The following UBXN2A variants were observed in gnomAD, a reference collection of about 807,000 sequenced individuals.
UBXN2A encodes UBX domain protein 2A, also known as UBX domain-containing protein 2A.
In UBXN2A, 28 loss-of-function variants were observed where a neutral mutation model predicts 28.4. The observed-to-expected ratio is 0.99, with a 90% CI of 0.73 to 1.35. The LOEUF (loss-of-function observed/expected upper bound fraction) is 1.35, where lower values mean the gene tolerates loss of function less well. Ranked by LOEUF, UBXN2A falls within the 40% of genes most tolerant of loss-of-function variation. The probability of loss-of-function intolerance (pLI) is 0.00; values close to 1 mark genes in which losing one functional copy is unlikely to be tolerated. For missense variants in UBXN2A, 253 were observed against 297.9 expected, an observed-to-expected ratio of 0.85 and a Z score of 1.11; for synonymous variants, 97 against 103.6, an observed-to-expected ratio of 0.94 and a Z score of 0.39.
At chr2:23,988,068 G>A (rs1392957761) in intron 6 of UBXN2A, among the ~76,000 whole-genome samples, 3 of 151,174 alleles carry the variant, frequency 2.0e-5, no homozygotes, top group Non-Finnish European at 4.4e-5. Context: ...GGTTGTAGTG[G>A]GCTGGGATCG....
chr2:23,939,513 G>A (rs1705642858), upstream of UBXN2A: 1 of 152,642 alleles, frequency 6.6e-6, no homozygotes, highest in Non-Finnish European at 1.5e-5. Flanking sequence ...TACAGAGACT[G>A]TTTCCCTGGG....
intron 1 of UBXN2A, among the ~76,000 whole-genome samples, chr2:23,935,402 A>AC (rs1375386960): frequency 1.3e-5 from 2 of 152,270 alleles, no homozygotes; most frequent in South Asian, 2.1e-4. Context: ...AACAACAACA[A>AC]AAAAAACCTA....
chr2:23,981,147 T>C (rs1707877034), intron 4 of UBXN2A, among the ~76,000 whole-genome samples: 2 of 152,052 alleles, frequency 1.3e-5, no homozygotes, highest in African/African-American at 2.4e-5. Context: ...AACTTTCTTA[T>C]TGAAGTATGG....
chr2:23,936,630 A>G (rs1420225835), upstream of UBXN2A, among the ~76,000 whole-genome samples: 2 of 152,180 alleles, frequency 1.3e-5, no homozygotes, highest in African/African-American at 4.8e-5. Flanking sequence ...AAGAAAAAGA[A>G]AAACATACAC....
At chr2:23,957,616 C>A (rs1021806573) in intron 1 of UBXN2A, among the ~76,000 whole-genome samples, 3 of 151,894 alleles carry the variant, frequency 2.0e-5, no homozygotes, top group Non-Finnish European at 2.9e-5. Flanking sequence ...AGGTGGATCA[C>A]CTGAGGTTGG....
rs1175716086 is a variant in UBXN2A, at chr2:24,004,194, A to C, written c.*4327A>C. 2 of 150,576 alleles carry C rather than the reference A, an allele frequency of 1.3e-5. No individual in the cohort carries two copies. The highest frequency in any genetic ancestry group is 2.9e-5 in the Non-Finnish European group (2 of 67,818). 9.3% of individuals were successfully genotyped at this position (150,576 alleles called of 1,614,324 possible). A position where few individuals can be genotyped will look rare whatever the true frequency, so the allele number is the denominator to read the frequency against. On this transcript the variant is annotated 3_prime_UTR_variant, in exon 7 of 7. Transcript: ENST00000309033. ...TTTAAAAGTTGTAAAATTGTTAGTT[A>C]AATGTGTATAATTATCAAAAGAGGT...
chr2:23,989,078 C>T (rs1708242000), intron 6 of UBXN2A, among the ~76,000 whole-genome samples: 1 of 152,040 alleles, frequency 6.6e-6, no homozygotes, highest in Admixed American at 6.6e-5. Context: ...CTTCCAGGCC[C>T]TCTGTTTGAA....
At position 23,982,937 on chromosome 2, in the gene UBXN2A, A is replaced by G. The variant is rs1337436161; in HGVS notation, c.329A>G (p.Glu110Gly). Residue 110 changes from glutamate (E) to glycine (G), a missense_variant, in exon 5 of 7, where the codon GAG (glutamate) becomes GGG (glycine). Coordinates refer to ENST00000309033, the MANE Select transcript of UBXN2A (RefSeq NM_181713.4). Reference sequence around the variant, plus strand: ...TTACAGGGAATTTTTGATAAAGAAGAGGTGGACGTTAAAGTTGAAGACAAG... The same window carrying G: ...TTACAGGGAATTTTTGATAAAGAAGGGGTGGACGTTAAAGTTGAAGACAAG... ...SELQGIFDKE[E>G]VDVKVEDKKN... 2.5e-6 allele frequency: 4 copies of G among 1,610,948 alleles called. No homozygotes were observed. Among genetic ancestry groups the G allele is most frequent in the Admixed American group, 3.4e-5 (2 of 59,638 alleles).
chr2:23,939,169 C>A (rs1276380733), upstream of UBXN2A, among the ~76,000 whole-genome samples: 2 of 151,972 alleles, frequency 1.3e-5, no homozygotes, highest in African/African-American at 4.8e-5. Flanking sequence ...GGGAAAAGGA[C>A]TATTGCAATA....
chr2:23,933,294 G>A (rs981113210), intron 1 of UBXN2A, among the ~76,000 whole-genome samples: 6 of 151,912 alleles, frequency 3.9e-5, no homozygotes, highest in African/African-American at 1.5e-4. Context: ...ATCACCTGAG[G>A]TCAGGAGTTC....
At chr2:23,991,085 C>T (rs1573606465) in intron 6 of UBXN2A, among the ~76,000 whole-genome samples, 1 of 152,132 alleles carries the variant, frequency 6.6e-6, no homozygotes, top group South Asian at 2.1e-4. Flanking sequence ...GGCTTGGTGG[C>T]TTTTGGACTG....
intron 1 of UBXN2A, among the ~76,000 whole-genome samples, chr2:23,946,887 ATTTTT>A (rs34433205): frequency 4.6e-5 from 6 of 131,678 alleles, no homozygotes; most frequent in Non-Finnish European, 3.2e-5. Flanking sequence ...CAATTTATTA[ATTTTT>A]TTTTTTTTTT....
intron 1 of UBXN2A, among the ~76,000 whole-genome samples, chr2:23,948,255 T>C (rs937229301): frequency 2.9e-5 from 3 of 102,210 alleles, no homozygotes; most frequent in Admixed American, 9.9e-5. Flanking sequence ...TTTCTTTTTC[T>C]TTTTTTTTTT....
chr2:23,967,175 T>A (rs1407560861), intron 2 of UBXN2A, among the ~76,000 whole-genome samples: 1 of 152,156 alleles, frequency 6.6e-6, no homozygotes, highest in Non-Finnish European at 1.5e-5. Flanking sequence ...ATAGACCGTT[T>A]CTTACTCGTC....
intron 6 of UBXN2A, among the ~76,000 whole-genome samples, chr2:23,989,285 A>C (rs559872785): frequency 6.6e-6 from 1 of 150,940 alleles, no homozygotes; most frequent in Non-Finnish European, 1.5e-5. Flanking sequence ...TATGCACTTA[A>C]GTTTATATCT....
At chr2:23,928,585 A>T (rs113054597) in intron 1 of UBXN2A, among the ~76,000 whole-genome samples, 315 of 152,326 alleles carry the variant, frequency 2.1e-3, no homozygotes, top group Admixed American at 3.5e-3. Context: ...TCAAAAAAAA[A>T]AAAATAAAAT....
At chr2:23,958,905 A>G (rs576534303) in intron 2 of UBXN2A, among the ~76,000 whole-genome samples, 3 of 152,204 alleles carry the variant, frequency 2.0e-5, no homozygotes, top group Non-Finnish European at 2.9e-5. Flanking sequence ...CAGTGGTGCA[A>G]TCATAGCTTG....
chr2:23,984,858 A>AT, intron 6 of UBXN2A, 27 bp downstream of exon 6: 1 of 1,531,782 alleles, frequency 6.5e-7, no homozygotes, highest in Non-Finnish European at 8.7e-7. Context: ...AGTATTTGAT[A>AT]TTTTTTCACC....
At chr2:23,932,373 A>C (rs1705396045) in intron 1 of UBXN2A, among the ~76,000 whole-genome samples, 1 of 152,142 alleles carries the variant, frequency 6.6e-6, no homozygotes, top group African/African-American at 2.4e-5. Flanking sequence ...GTAAGGCCTA[A>C]AATCTGCTAA....
Sources: allele counts gnomAD v4.1 joint callset (sites outside exome capture counted in the v4.1 genomes callset), GRCh38; gene constraint gnomAD v4.1.1; transcripts MANE v1.5; gene names NCBI Gene and HGNC (gene_info 2026-07-23, HGNC 2026-07-21).